The following ZNF215 variants were observed in gnomAD, a reference collection of about 807,000 sequenced individuals.
ZNF215 encodes zinc finger protein 215, also known as BWSCR2-associated zinc finger protein 2.
Under a neutral mutation model 27.2 loss-of-function variants are expected in ZNF215, and 24 were observed. The observed-to-expected ratio is 0.88, with a 90% CI of 0.64 to 1.24. ZNF215 has a LOEUF of 1.24. Among genes scored for constraint, ZNF215 ranks in the 50% most tolerant of loss-of-function variants. The probability of loss-of-function intolerance (pLI) is 0.00; values close to 1 mark genes in which losing one functional copy is unlikely to be tolerated. For synonymous variants in ZNF215, 210 were observed against 204.0 expected (o/e 1.03, Z -0.25); for missense variants, 675 against 605.7 (o/e 1.11, Z -1.20).
rs779016260 is a variant in ZNF215, at chr11:6,932,601, T to C, written c.329T>C (p.Leu110Ser). 12 of 1,614,052 alleles carry C rather than the reference T, an allele frequency of 7.4e-6. No homozygotes were observed. Among genetic ancestry groups the C allele is most frequent in the African/African-American group, 1.3e-5 (1 of 74,926 alleles). ...GAAGAAGTCAGGACTTGGGTGAATT[T>C]ACAACATCCAAACAACAGTAAAGAT... ...LPEEVRTWVN[L>S]QHPNNSKDMV... The change falls in exon 3 of 7, where the codon TTA becomes TCA. Residue 110 changes from leucine (L) to serine (S), a missense_variant. Coordinates refer to ENST00000278319, the MANE Select transcript of ZNF215 (RefSeq NM_013250.4).
intron 5 of ZNF215, among the ~76,000 whole-genome samples, chr11:6,982,854 A>G (rs1397694736): frequency 6.6e-6 from 1 of 151,998 alleles, no homozygotes; most frequent in Admixed American, 6.6e-5. Flanking sequence ...AGAACTAGAA[A>G]AGCAAGAACA....
chr11:6,944,071 C>G (rs111567395), intron 6 of ZNF215, among the ~76,000 whole-genome samples: 18 of 152,084 alleles, frequency 1.2e-4, no homozygotes, highest in Non-Finnish European at 8.8e-5. Context: ...GTCAGGAGAT[C>G]GAGACCATCC....
intron 5 of ZNF215, among the ~76,000 whole-genome samples, chr11:6,982,377 G>A (rs973465989): frequency 1.3e-5 from 2 of 151,954 alleles, no homozygotes; most frequent in Non-Finnish European, 2.9e-5. Flanking sequence ...GGATACCCAG[G>A]AATTGAACTC....
In ZNF215 at chr11:6,957,177, A is replaced by G. The variant is rs1850393855; in HGVS notation, c.*646A>G. The G allele has an allele frequency of 1.0e-6, 1 of 985,226 alleles. No homozygotes were observed. Among genetic ancestry groups the G allele is most frequent in the South Asian group, 4.7e-5 (1 of 21,292 alleles). 61.0% of individuals were successfully genotyped at this position (985,226 alleles called of 1,614,324 possible). On this transcript the variant is annotated 3_prime_UTR_variant, in exon 7 of 7. Coordinates refer to ENST00000278319, the MANE Select transcript of ZNF215 (RefSeq NM_013250.4). ...ATTCTTAAAATCTGCATTTGTTTAT[A>G]GCAGGTCCTTGAAAAATGTTTTTGT... is the stretch of plus-strand genomic sequence containing the variant.
chr11:6,980,625 A>T (rs1016702961), intron 5 of ZNF215, among the ~76,000 whole-genome samples: 1 of 145,966 alleles, frequency 6.9e-6, no homozygotes, highest in Admixed American at 6.8e-5. Context: ...TATTATTATT[A>T]TACTTTAAGT....
rs892906861 is a variant in ZNF215, at chr11:6,956,655, T to C, written c.*124T>C. The stretch of plus-strand genomic sequence containing the variant: ...AACATTTGTCAGATTTTTCTTTAAA[T>C]GATATCACAGAATTAATGTTGGATA... On this transcript the variant is annotated 3_prime_UTR_variant, in exon 7 of 7. Coordinates refer to ENST00000278319, the MANE Select transcript of ZNF215 (RefSeq NM_013250.4). 12 of 1,405,838 alleles carry C rather than the reference T, an allele frequency of 8.5e-6. No homozygotes were observed. Among genetic ancestry groups the C allele is most frequent in the Non-Finnish European group, 1.1e-5 (12 of 1,087,728 alleles). The allele number at this position is 1,405,838 out of a possible 1,614,324, so 87.1% of individuals were successfully genotyped here.
intron 5 of ZNF215, among the ~76,000 whole-genome samples, chr11:6,969,995 T>G (rs1850690096): frequency 6.6e-6 from 1 of 152,202 alleles, no homozygotes; most frequent in African/African-American, 2.4e-5. Context: ...TTGGCCAGGC[T>G]GTTCTCAAAC....
intron 6 of ZNF215, among the ~76,000 whole-genome samples, chr11:6,952,855 T>C: frequency 6.6e-6 from 1 of 151,694 alleles, no homozygotes; most frequent in Non-Finnish European, 1.5e-5. Context: ...TTTGGCATGA[T>C]TTTGCAGTGG....
rs1291121249 is a variant in ZNF215, at chr11:6,953,034, C to G, written c.713-2656C>G. On this transcript the variant is annotated intron_variant, in intron 6 of 6. Transcript: ENST00000278319. ...GATATGAAATTCTGGTTTGAAAATT[C>G]TTTTGTTTAAGAATGTTGAATATTG... 8.5e-5 allele frequency among the ~76,000 whole-genome samples: 13 copies of G among 152,286 alleles called. No homozygotes were observed. In the East Asian group the frequency reaches 2.5e-3, roughly 29 times the overall value.
chr11:6,980,254 C>G (rs528468944), intron 5 of ZNF215, among the ~76,000 whole-genome samples: 1 of 151,844 alleles, frequency 6.6e-6, no homozygotes, highest in Non-Finnish European at 1.5e-5. Flanking sequence ...TATTTTGCTA[C>G]AAAAATTATA....
At chr11:6,959,070 A>T (rs542974440), downstream of ZNF215, among the ~76,000 whole-genome samples, 81 of 152,276 alleles carry the variant, frequency 5.3e-4, no homozygotes, top group Admixed American at 2.1e-3. Context: ...CAATCCAATC[A>T]AGTTGGCACT....
At chr11:6,968,427 T>C (rs1850665903) in intron 5 of ZNF215, among the ~76,000 whole-genome samples, 1 of 152,212 alleles carries the variant, frequency 6.6e-6, no homozygotes, top group Non-Finnish European at 1.5e-5. Flanking sequence ...ACTTGGAATA[T>C]TTTTCCATTT....
intron 6 of ZNF215, among the ~76,000 whole-genome samples, chr11:6,948,956 T>G (rs1484020437): frequency 1.4e-5 from 2 of 141,946 alleles, no homozygotes; most frequent in Non-Finnish European, 3.0e-5. Flanking sequence ...TGTCCATGTG[T>G]TCTCATTGTT....
chr11:6,936,567 A>C lies in ZNF215; in HGVS notation c.400+3895A>C, dbSNP rs368394107. Reference sequence around the variant, plus strand: ...GTAAATTCTACTACACTTTTGAAAAATTAACACCAGTATTCTCAAACTCTT... The same window carrying C: ...GTAAATTCTACTACACTTTTGAAAACTTAACACCAGTATTCTCAAACTCTT... On this transcript the variant is annotated intron_variant, in intron 3 of 6. Coordinates refer to ENST00000278319, the MANE Select transcript of ZNF215 (RefSeq NM_013250.4). 1.1e-4 allele frequency among the ~76,000 whole-genome samples: 17 copies of C among 152,196 alleles called. No individual in the cohort carries two copies. The East Asian group carries it at 1.3e-3, about 12-fold the overall frequency.
At position 6,952,795 on chromosome 11, in the gene ZNF215, T is replaced by C. The variant is rs961067965; in HGVS notation, c.713-2895T>C. ...TATCATTATGATGTTAGCTGGTTAT[T>C]TTGCTGGTTAGTTGATGCAGTTTCT... On this transcript the variant is annotated intron_variant, in intron 6 of 6. Transcript: ENST00000278319. 2.0e-5 allele frequency among the ~76,000 whole-genome samples: 3 copies of C among 152,120 alleles called. 1 individual carries two copies. Among genetic ancestry groups the C allele is most frequent in the Middle Eastern group, 6.3e-3 (2 of 316 alleles).
Position 6,956,694 on chromosome 11 carries a change from A to G in ZNF215, c.*163A>G. ...TAATGTTGGATAGAAATATCATTGG[A>G]TAGAAATCTGTTTGAAGGAATTTTC... On this transcript the variant is annotated 3_prime_UTR_variant, in exon 7 of 7. Transcript: ENST00000278319. 7.2e-7 allele frequency: 1 copy of G among 1,385,054 alleles called. No individual in the cohort carries two copies. Among genetic ancestry groups the G allele is most frequent in the Non-Finnish European group, 9.3e-7 (1 of 1,077,758 alleles). 85.8% of individuals were successfully genotyped at this position (1,385,054 alleles called of 1,614,324 possible).
intron 6 of ZNF215, among the ~76,000 whole-genome samples, chr11:6,954,182 G>C (rs2515945): frequency 8.5e-6 from 1 of 118,208 alleles, no homozygotes; most frequent in Admixed American, 9.5e-5. Flanking sequence ...TCGGGGGTCA[G>C]GGTTCAGGGA....
intron 2 of ZNF215, among the ~76,000 whole-genome samples, chr11:6,929,639 A>C (rs568473352): frequency 6.6e-6 from 1 of 152,344 alleles, no homozygotes; most frequent in South Asian, 2.1e-4. Flanking sequence ...CAGGAAGATC[A>C]CAGAGGCAAA....
At position 6,957,757 on chromosome 11, in the gene ZNF215, T is replaced by C. The variant is rs1000053896; in HGVS notation, c.*1226T>C. On this transcript the variant is annotated 3_prime_UTR_variant, in exon 7 of 7. Coordinates refer to ENST00000278319, the MANE Select transcript of ZNF215 (RefSeq NM_013250.4). ...TGCAGACTTACTGTACCTTTGGGAA[T>C]TTAGGCTGGAGAGACGTCCATAGCC... 2 of 985,314 alleles carry C rather than the reference T, an allele frequency of 2.0e-6. No individual in the cohort carries two copies. Among genetic ancestry groups the C allele is most frequent in the African/African-American group, 1.7e-5 (1 of 57,244 alleles). The allele number at this position is 985,314 out of a possible 1,614,324, so 61.0% of individuals were successfully genotyped here.
Sources: gnomAD v4.1 joint callset for allele counts (sites outside exome capture counted in the v4.1 genomes callset) on GRCh38, gnomAD v4.1.1 for gene constraint, MANE v1.5 for transcripts, NCBI Gene and HGNC (gene_info 2026-07-23, HGNC 2026-07-21) for gene names.